Variants in CSNK1G3 observed in about 807,000 individuals in gnomAD.
The protein encoded by CSNK1G3 is casein kinase I isoform gamma-3.
CSNK1G3 carries 23 observed loss-of-function variants against 64.3 expected under a neutral mutation model. The ratio of observed to expected loss-of-function variants is 0.36; its 90% CI spans 0.26 to 0.51. The LOEUF is 0.51. Ranked by LOEUF, CSNK1G3 falls within the 20% of genes least tolerant of loss-of-function variation. The pLI is 0.96. For synonymous variants in CSNK1G3, 158 were observed against 162.2 expected, an observed-to-expected ratio of 0.97 and a Z score of 0.20; for missense variants, 357 against 510.5, an observed-to-expected ratio of 0.70 and a Z score of 2.90.
intron 1 of CSNK1G3, among the ~76,000 whole-genome samples, chr5:123,545,074 A>T (rs1480890470): frequency 6.6e-6 from 1 of 152,104 alleles, no homozygotes; most frequent in Non-Finnish European, 1.5e-5. Context: ...TGAAAATCTT[A>T]TGTTGACTTA....
intron 2 of CSNK1G3, among the ~76,000 whole-genome samples, chr5:123,546,724 A>C (rs1782593439): frequency 6.6e-6 from 1 of 152,154 alleles, no homozygotes; most frequent in Admixed American, 6.6e-5. Context: ...TCCTGCTGCT[A>C]GAAATAAATC....
At chr5:123,525,206 T>C (rs1409791226) in intron 1 of CSNK1G3, among the ~76,000 whole-genome samples, 2 of 152,132 alleles carry the variant, frequency 1.3e-5, no homozygotes, top group Admixed American at 6.6e-5. Context: ...ATTTGTTGAA[T>C]GGATTGTTTC....
At chr5:123,604,914 C>A in intron 11 of CSNK1G3, 84 bp downstream of exon 12, 1 of 1,107,220 alleles carries the variant, frequency 9.0e-7, no homozygotes, top group Non-Finnish European at 1.3e-6. Flanking sequence ...ACAATTATTT[C>A]AGGAAATTTT....
intron 1 of CSNK1G3, among the ~76,000 whole-genome samples, chr5:123,520,079 C>T (rs1439120038): frequency 6.6e-6 from 1 of 152,052 alleles, no homozygotes; most frequent in Non-Finnish European, 1.5e-5. Context: ...ACAACAATGA[C>T]AACATCACAC....
At chr5:123,609,040 A>G (rs1001511219) in intron 12 of CSNK1G3, among the ~76,000 whole-genome samples, 4 of 152,202 alleles carry the variant, frequency 2.6e-5, no homozygotes, top group Admixed American at 2.0e-4. Context: ...AGAAGGAGTC[A>G]GAGAGAAGAG....
intron 10 of CSNK1G3, 94 bp from the exon 12 acceptor site, chr5:123,604,628 TTA>T: frequency 1.7e-6 from 1 of 587,144 alleles, no homozygotes; most frequent in Non-Finnish European, 2.9e-6. Flanking sequence ...ACTTTAACAA[TTA>T]TGTTTATCCT....
In CSNK1G3 at chr5:123,571,551, T is replaced by C. The variant is rs546437916; in HGVS notation, c.290-1842T>C. On this transcript the variant is annotated intron_variant, in intron 4 of 12. Coordinates refer to ENST00000345990, the Ensembl canonical transcript of CSNK1G3. ...ATAGATAAGTAAACTGAGGCCCACT[T>C]GAGAGGTTGAATGACAAGCTAGCCA... 3.3e-5 allele frequency among the ~76,000 whole-genome samples: 5 copies of C among 152,262 alleles called. 1 individual carries two copies. Among genetic ancestry groups the C allele is most frequent in the African/African-American group, 1.2e-4 (5 of 41,552 alleles).
At chr5:123,532,196 G>C (rs1052980749) in intron 1 of CSNK1G3, among the ~76,000 whole-genome samples, 3 of 151,664 alleles carry the variant, frequency 2.0e-5, no homozygotes, top group Non-Finnish European at 4.4e-5. Context: ...TTTTGTTTTT[G>C]CCTGACTACT....
intron 6 of CSNK1G3, among the ~76,000 whole-genome samples, chr5:123,576,845 A>G (rs1031219482): frequency 2.0e-5 from 3 of 152,208 alleles, no homozygotes; most frequent in African/African-American, 7.2e-5. Flanking sequence ...GTTCCTCATC[A>G]GATTTTTGCC....
chr5:123,553,198 A>C lies in CSNK1G3; in HGVS notation c.219+51A>C, dbSNP rs764733776. 6 of 962,196 alleles carry C rather than the reference A, an allele frequency of 6.2e-6. No homozygotes were observed. In the African/African-American group the frequency reaches 8.7e-5, roughly 14 times the overall value. 59.6% of individuals were successfully genotyped at this position (962,196 alleles called of 1,614,324 possible). A position where few individuals can be genotyped will look rare whatever the true frequency, so the allele number is the denominator to read the frequency against. ...TTAATGATTTCTTTGTTACTTTTTAAGTAACTTATATATTTTAATTATTTT... is the reference window on the plus strand; with the variant it reads ...TTAATGATTTCTTTGTTACTTTTTACGTAACTTATATATTTTAATTATTTT... On this transcript the variant is annotated intron_variant, in intron 3 of 12. Transcript: ENST00000345990.
intron 1 of CSNK1G3, among the ~76,000 whole-genome samples, chr5:123,523,370 T>C (rs1163447073): frequency 2.0e-5 from 3 of 152,228 alleles, no homozygotes; most frequent in Admixed American, 6.5e-5. Context: ...AGGGTCCTTT[T>C]AGTGACTGAT....
Position 123,593,393 on chromosome 5 carries a change from C to T in CSNK1G3, c.1086+1979C>T, listed in dbSNP as rs562337802. ...TAAGTTCTACAAGAAACCCACAGTT[C>T]ACAATCCCAGAGGAAGATAGATTAT... On this transcript the variant is annotated intron_variant, in intron 10 of 12. Transcript: ENST00000345990. 5.9e-5 allele frequency among the ~76,000 whole-genome samples: 9 copies of T among 152,130 alleles called. No individual in the cohort carries two copies. The East Asian group carries it at 1.5e-3, about 26-fold the overall frequency.
At chr5:123,540,213 C>G (rs950340957) in intron 1 of CSNK1G3, among the ~76,000 whole-genome samples, 1 of 151,870 alleles carries the variant, frequency 6.6e-6, no homozygotes, top group Non-Finnish European at 1.5e-5. Flanking sequence ...TGAAGTTTTT[C>G]ATTTCAGATA....
At chr5:123,514,302 TTATG>T (rs2149869131) in intron 1 of CSNK1G3, among the ~76,000 whole-genome samples, 1 of 152,354 alleles carries the variant, frequency 6.6e-6, no homozygotes, top group Non-Finnish European at 1.5e-5. Context: ...CATTAGTGTG[TTATG>T]TAATTATTGA....
chr5:123,583,630 C>T (rs1790772816), intron 6 of CSNK1G3, among the ~76,000 whole-genome samples: 1 of 152,134 alleles, frequency 6.6e-6, no homozygotes, highest in Non-Finnish European at 1.5e-5. Context: ...TCCCAAAGTG[C>T]TGGGATTACA....
intron 12 of CSNK1G3, among the ~76,000 whole-genome samples, chr5:123,613,030 T>G (rs1398798243): frequency 6.6e-6 from 1 of 152,182 alleles, no homozygotes; most frequent in Admixed American, 6.5e-5. Context: ...GTTGACTGTT[T>G]AAAGGTTAAA....
chr5:123,595,078 A>C (rs1268227474), intron 10 of CSNK1G3: 2 of 1,613,758 alleles, frequency 1.2e-6, no homozygotes, highest in Admixed American at 3.3e-5. Flanking sequence ...CCAGCAGGCA[A>C]ATCCCCACCA....
At chr5:123,577,875 T>A (rs1322953143) in intron 6 of CSNK1G3, among the ~76,000 whole-genome samples, 1 of 151,976 alleles carries the variant, frequency 6.6e-6, no homozygotes, top group Non-Finnish European at 1.5e-5. Context: ...TTACCCATCT[T>A]AGTCATTCCC....
intron 10 of CSNK1G3, among the ~76,000 whole-genome samples, chr5:123,602,630 G>A (rs1466932773): frequency 6.6e-6 from 1 of 152,154 alleles, no homozygotes; most frequent in East Asian, 1.9e-4. Context: ...TCTGGAAGAT[G>A]GGAGGGCTTT....
Sources: allele counts gnomAD v4.1 joint callset (sites outside exome capture counted in the v4.1 genomes callset), GRCh38; gene constraint gnomAD v4.1.1; transcripts MANE v1.5; gene names NCBI Gene and HGNC (gene_info 2026-07-23, HGNC 2026-07-21).